The following NR3C1 variants were observed in gnomAD, a reference collection of about 807,000 sequenced individuals.
NR3C1 encodes nuclear receptor subfamily 3 group C member 1, also known as glucocorticoid receptor.
NR3C1 carries 14 observed loss-of-function variants against 74.0 expected under a neutral mutation model. The ratio of observed to expected loss-of-function variants is 0.19; its 90% CI spans 0.12 to 0.30. The LOEUF is 0.30. Among genes scored for constraint, NR3C1 ranks in the 10% least tolerant of loss-of-function variants. The pLI is 1.00. For missense variants in NR3C1, 695 were observed against 909.8 expected (o/e 0.76, Z 3.04); for synonymous variants, 308 against 332.5 (o/e 0.93, Z 0.80).
At chr5:143,385,251 C>A (rs904379551) in intron 2 of NR3C1, among the ~76,000 whole-genome samples, 3 of 152,188 alleles carry the variant, frequency 2.0e-5, no homozygotes, top group African/African-American at 7.2e-5. Flanking sequence ...GACCTCCAGG[C>A]CTGTGATAGG....
At chr5:143,306,240 A>G (rs1485360080) in intron 4 of NR3C1, among the ~76,000 whole-genome samples, 1 of 152,216 alleles carries the variant, frequency 6.6e-6, no homozygotes, top group African/African-American at 2.4e-5. Flanking sequence ...AAAATACACC[A>G]CTTGGAGTCC....
chr5:143,359,776 G>A (rs570046568), intron 2 of NR3C1, among the ~76,000 whole-genome samples: 16 of 152,166 alleles, frequency 1.1e-4, no homozygotes, highest in Admixed American at 8.5e-4. Context: ...AAATTAGCTG[G>A]GCATGGTGGC....
At chr5:143,340,720 A>T (rs1828043464) in intron 2 of NR3C1, among the ~76,000 whole-genome samples, 1 of 151,954 alleles carries the variant, frequency 6.6e-6, no homozygotes, top group Non-Finnish European at 1.5e-5. Context: ...TGACCTCGTG[A>T]TCCGCCCGGC....
chr5:143,298,835 A>T (rs1231522773), intron 5 of NR3C1, 23 bp from the exon 6 acceptor site: 1 of 1,609,058 alleles, frequency 6.2e-7, no homozygotes, highest in East Asian at 2.2e-5. Flanking sequence ...AAATAAAGGT[A>T]TGAGGCAACA....
chr5:143,387,186 C>T (rs1345602534), intron 2 of NR3C1, among the ~76,000 whole-genome samples: 1 of 152,146 alleles, frequency 6.6e-6, no homozygotes, highest in Non-Finnish European at 1.5e-5. Flanking sequence ...TCCAGCCTTT[C>T]TACCTTACTC....
intron 2 of NR3C1, among the ~76,000 whole-genome samples, chr5:143,335,857 T>A (rs1016299489): frequency 2.6e-5 from 4 of 152,220 alleles, no homozygotes; most frequent in African/African-American, 9.6e-5. Flanking sequence ...TAAGTTAAAT[T>A]CCTAGAAGGG....
chr5:143,296,514 T>C (rs1443959631), intron 6 of NR3C1, among the ~76,000 whole-genome samples: 1 of 152,238 alleles, frequency 6.6e-6, no homozygotes, highest in Admixed American at 6.5e-5. Context: ...GGCACCTTTT[T>C]TTCCTTTAGT....
At chr5:143,374,760 G>A (rs1282780707) in intron 2 of NR3C1, among the ~76,000 whole-genome samples, 1 of 152,072 alleles carries the variant, frequency 6.6e-6, no homozygotes, top group Admixed American at 6.6e-5. Flanking sequence ...GCTGACATAC[G>A]CTCAGCAGCT....
chr5:143,333,106 C>T (rs1368520210), intron 2 of NR3C1: 1 of 1,594,244 alleles, frequency 6.3e-7, no homozygotes, highest in Non-Finnish European at 8.5e-7. Context: ...CAGGAGATCT[C>T]ATGGTTCTTG....
At chr5:143,353,554 C>A (rs1388709817) in intron 2 of NR3C1, among the ~76,000 whole-genome samples, 1 of 152,194 alleles carries the variant, frequency 6.6e-6, no homozygotes, top group Non-Finnish European at 1.5e-5. Flanking sequence ...AGAACAACAT[C>A]CATCTTGTTG....
At chr5:143,332,078 A>G (rs556754176) in intron 2 of NR3C1, among the ~76,000 whole-genome samples, 1 of 152,316 alleles carries the variant, frequency 6.6e-6, no homozygotes, top group African/African-American at 2.4e-5. Context: ...AACATGAATC[A>G]CAAAATTGAT....
chr5:143,292,170 C>T (rs1308601357), intron 7 of NR3C1, among the ~76,000 whole-genome samples: 1 of 152,022 alleles, frequency 6.6e-6, no homozygotes, highest in African/African-American at 2.4e-5. Flanking sequence ...CTCTAGTTTC[C>T]TTGTTTTTAT....
intron 2 of NR3C1, chr5:143,333,077 C>T: frequency 1.9e-6 from 3 of 1,595,050 alleles, no homozygotes; most frequent in Non-Finnish European, 2.5e-6. Context: ...ATGAAATTGC[C>T]TTCCCAGGGA....
At position 143,280,648 on chromosome 5, in the gene NR3C1, G is replaced by A. The variant is rs768128384; in HGVS notation, c.*1241C>T. On this transcript the variant is annotated 3_prime_UTR_variant, in exon 9 of 9. Coordinates refer to ENST00000394464, the MANE Select transcript of NR3C1 (RefSeq NM_000176.3). ...TACAAACATGGATGTCTGACATACAGTTCTAAATCACAAAAATCAGTAGCT... is the reference window on the plus strand; with the variant it reads ...TACAAACATGGATGTCTGACATACAATTCTAAATCACAAAAATCAGTAGCT... 1.3e-5 allele frequency: 2 copies of A among 152,528 alleles called. No individual in the cohort carries two copies. The highest frequency in any genetic ancestry group is 2.1e-4 in the South Asian group (1 of 4,828). 9.4% of individuals were successfully genotyped at this position (152,528 alleles called of 1,614,324 possible).
chr5:143,282,763 T>G (rs1403375867), intron 7 of NR3C1, 38 bp from the exon 8 acceptor site: 1 of 1,578,820 alleles, frequency 6.3e-7, no homozygotes, highest in South Asian at 1.2e-5. Context: ...AGGATTTTCT[T>G]TTTCTTTTCT....
intron 2 of NR3C1, among the ~76,000 whole-genome samples, chr5:143,381,939 G>C (rs1219297797): frequency 6.6e-6 from 1 of 152,018 alleles, no homozygotes; most frequent in Non-Finnish European, 1.5e-5. Context: ...ATCACATCAA[G>C]CTAAAAAACT....
chr5:143,383,091 G>A (rs566381330), intron 2 of NR3C1, among the ~76,000 whole-genome samples: 1 of 152,200 alleles, frequency 6.6e-6, no homozygotes, highest in Admixed American at 6.5e-5. Context: ...GCCTGAAATT[G>A]GATGGCATTT....
chr5:143,427,531 AT>A, intron 1 of NR3C1, among the ~76,000 whole-genome samples: 1 of 152,292 alleles, frequency 6.6e-6, no homozygotes, highest in Admixed American at 6.5e-5. Flanking sequence ...AAATTATAGG[AT>A]TTGGGAATTC....
In NR3C1 at chr5:143,403,656, C is replaced by G; in HGVS notation, c.-459G>C. ...GGGCAGCCCGGCCTGGGCGAGCGAG[C>G]GGGACCGAGCGGGGAGCGGGTGGAG... On this transcript the variant is annotated 5_prime_UTR_variant, in exon 1 of 9. Coordinates refer to ENST00000394464, the MANE Select transcript of NR3C1 (RefSeq NM_000176.3). 1 of 985,250 alleles carries G rather than the reference C, an allele frequency of 1.0e-6. No homozygotes were observed. The highest frequency in any genetic ancestry group is 1.2e-6 in the Non-Finnish European group (1 of 829,764). 61.0% of individuals were successfully genotyped at this position (985,250 alleles called of 1,614,324 possible).
Sources: allele counts gnomAD v4.1 joint callset (sites outside exome capture counted in the v4.1 genomes callset), GRCh38; gene constraint gnomAD v4.1.1; transcripts MANE v1.5; gene names NCBI Gene and HGNC (gene_info 2026-07-23, HGNC 2026-07-21).